Variants in SHLD2 observed in about 807,000 individuals in gnomAD.
SHLD2 encodes RINN1-REV7-interacting novel NHEJ regulator 2.
SHLD2 carries 30 observed loss-of-function variants against 73.2 expected under a neutral mutation model. That is an observed-to-expected ratio of 0.41 (90% confidence interval 0.31 to 0.56). The LOEUF is 0.56. Ranked by LOEUF, SHLD2 falls within the 20% of genes least tolerant of loss-of-function variation. The pLI is 0.28. For synonymous variants in SHLD2, 285 were observed against 370.1 expected, an observed-to-expected ratio of 0.77 and a Z score of 2.64; for missense variants, 745 against 1,055.9, an observed-to-expected ratio of 0.71 and a Z score of 4.08.
chr10:87,115,628 A>G (rs1843206685), intron 2 of SHLD2: 1 of 152,070 alleles, frequency 6.6e-6, no homozygotes, highest in Non-Finnish European at 1.5e-5. Flanking sequence ...CGTGAATTGG[A>G]TATGAGGAAG....
At chr10:87,142,816 G>A (rs529520328) in intron 2 of SHLD2, among the ~76,000 whole-genome samples, 82 of 150,774 alleles carry the variant, frequency 5.4e-4, no homozygotes, top group African/African-American at 1.9e-3. Flanking sequence ...TCTTTTGTGG[G>A]AGGTGGGTGG....
intron 2 of SHLD2, among the ~76,000 whole-genome samples, chr10:87,136,442 C>T (rs1844806052): frequency 6.6e-6 from 1 of 150,396 alleles, no homozygotes; most frequent in Non-Finnish European, 1.5e-5. Context: ...AATGGAGAAA[C>T]CAAGATCTAG....
chr10:87,190,250 G>C (rs1193833267), intron 9 of SHLD2, among the ~76,000 whole-genome samples: 1 of 152,116 alleles, frequency 6.6e-6, no homozygotes, highest in South Asian at 2.1e-4. Context: ...GTAGAGACAG[G>C]GTTTTACTGT....
intron 7 of SHLD2, among the ~76,000 whole-genome samples, chr10:87,178,107 G>C (rs1312463274): frequency 6.6e-6 from 1 of 151,536 alleles, no homozygotes; most frequent in Admixed American, 6.6e-5. Context: ...ATGATGTCGG[G>C]TGCCTGTAGT....
intron 4 of SHLD2, among the ~76,000 whole-genome samples, chr10:87,167,545 A>T (rs977592883): frequency 6.6e-6 from 1 of 152,146 alleles, no homozygotes. Context: ...TGATCAATAT[A>T]TTGTGTTTTT....
intron 3 of SHLD2, among the ~76,000 whole-genome samples, chr10:87,157,669 A>G (rs551321629): frequency 2.6e-5 from 4 of 152,332 alleles, no homozygotes; most frequent in African/African-American, 9.6e-5. Context: ...ACTGAATATT[A>G]TTACTCTCCT....
intron 2 of SHLD2, among the ~76,000 whole-genome samples, chr10:87,131,862 A>G (rs1329662583): frequency 5.9e-5 from 9 of 152,048 alleles, no homozygotes; most frequent in Non-Finnish European, 8.8e-5. Context: ...ATTTCTCCAC[A>G]TTTTTGCCGA....
chr10:87,109,266 AC>A (rs1842781596), intron 2 of SHLD2, among the ~76,000 whole-genome samples: 5 of 151,864 alleles, frequency 3.3e-5, no homozygotes, highest in Admixed American at 1.3e-4. Flanking sequence ...TTCCCCACAA[AC>A]ACTGGAGATT....
intron 8 of SHLD2, among the ~76,000 whole-genome samples, chr10:87,186,309 T>C (rs1233278599): frequency 2.0e-5 from 3 of 152,230 alleles, no homozygotes; most frequent in Non-Finnish European, 2.9e-5. Context: ...CTGAATTCTG[T>C]TCTCAATTTA....
intron 2 of SHLD2, among the ~76,000 whole-genome samples, chr10:87,106,792 T>G (rs1416433319): frequency 6.6e-6 from 1 of 152,170 alleles, no homozygotes; most frequent in Non-Finnish European, 1.5e-5. Context: ...TGGATTAAAA[T>G]AAGAGGGCTA....
At chr10:87,099,763 G>T (rs142851788) in intron 2 of SHLD2, among the ~76,000 whole-genome samples, 1 of 152,244 alleles carries the variant, frequency 6.6e-6, no homozygotes, top group East Asian at 1.9e-4. Context: ...GTGAATGAAG[G>T]TTCCAATTTC....
intron 9 of SHLD2, among the ~76,000 whole-genome samples, chr10:87,188,594 T>G (rs1202187686): frequency 1.3e-5 from 2 of 152,184 alleles, no homozygotes; most frequent in Non-Finnish European, 2.9e-5. Flanking sequence ...TTCCTTATGT[T>G]GCTGACACTG....
At chr10:87,140,909 A>G (rs996546603) in intron 2 of SHLD2, among the ~76,000 whole-genome samples, 2 of 151,984 alleles carry the variant, frequency 1.3e-5, no homozygotes, top group East Asian at 3.9e-4. Flanking sequence ...TCAGGAGGTC[A>G]AGGCTGCGGT....
chr10:87,180,644 A>G (rs1238475457), intron 8 of SHLD2, among the ~76,000 whole-genome samples: 1 of 152,248 alleles, frequency 6.6e-6, no homozygotes, highest in Non-Finnish European at 1.5e-5. Flanking sequence ...AAGGGCTAAA[A>G]GTATCATATG....
intron 8 of SHLD2, among the ~76,000 whole-genome samples, chr10:87,184,588 G>T (rs1848501657): frequency 6.6e-6 from 1 of 152,050 alleles, no homozygotes; most frequent in Non-Finnish European, 1.5e-5. Flanking sequence ...CATTGGCAGT[G>T]TGATTACCCT....
At chr10:87,128,284 T>C (rs143562134) in intron 2 of SHLD2, among the ~76,000 whole-genome samples, 1 of 152,230 alleles carries the variant, frequency 6.6e-6, no homozygotes, top group Non-Finnish European at 1.5e-5. Context: ...ATTATTTGCA[T>C]GATTTGCTGT....
At chr10:87,117,418 A>G (rs1048817574) in intron 2 of SHLD2, among the ~76,000 whole-genome samples, 10 of 152,272 alleles carry the variant, frequency 6.6e-5, no homozygotes, top group African/African-American at 2.2e-4. Context: ...ACTCAGTCTT[A>G]AACAAAAAAG....
At chr10:87,157,967 A>C (rs572930536) in intron 3 of SHLD2, 81 bp from the exon 4 acceptor site, 2 of 1,182,114 alleles carry the variant, frequency 1.7e-6, no homozygotes, top group East Asian at 2.5e-5. Context: ...GGAGGCATGC[A>C]TAGTATTTTG....
At chr10:87,096,194 G>T (rs1841866419) in intron 1 of SHLD2, among the ~76,000 whole-genome samples, 1 of 151,920 alleles carries the variant, frequency 6.6e-6, no homozygotes, top group Non-Finnish European at 1.5e-5. Flanking sequence ...ACAGGCCCGC[G>T]CCACCACGCC....
Sources: allele counts gnomAD v4.1 joint callset (sites outside exome capture counted in the v4.1 genomes callset), GRCh38; gene constraint gnomAD v4.1.1; transcripts MANE v1.5; gene names NCBI Gene and HGNC (gene_info 2026-07-23, HGNC 2026-07-21).